The following DOCK6 variants were observed in gnomAD, a reference collection of about 807,000 sequenced individuals.
DOCK6 encodes dedicator of cytokinesis 6.
Under a neutral mutation model 230.3 loss-of-function variants are expected in DOCK6, and 167 were observed. The ratio of observed to expected loss-of-function variants is 0.73; its 90% confidence interval spans 0.64 to 0.82. The LOEUF (loss-of-function observed/expected upper bound fraction) is 0.82, where lower values mean the gene tolerates loss of function less well. Among genes scored for constraint, DOCK6 ranks in the 40% least tolerant of loss-of-function variants. The pLI is 0.00. For synonymous variants in DOCK6, 1,148 were observed against 1,185.0 expected (o/e 0.97, Z 0.64); for missense variants, 2,598 against 2,825.8 (o/e 0.92, Z 1.83).
chr19:11,248,002 A>C, intron 7 of DOCK6, 64 bp downstream of exon 7: 1 of 1,426,152 alleles, frequency 7.0e-7, no homozygotes, highest in Non-Finnish European at 9.7e-7. Flanking sequence ...TGTAGTGTGT[A>C]CCCCGCCGGA....
At chr19:11,215,977 G>T in intron 30 of DOCK6, 50 bp from the exon 31 acceptor site, 1 of 1,610,206 alleles carries the variant, frequency 6.2e-7, no homozygotes, top group Non-Finnish European at 8.5e-7. Flanking sequence ...TCTTTTCGGG[G>T]GGACCTGGGC....
chr19:11,240,185 G>A lies in DOCK6; in HGVS notation c.1643+1860C>T, dbSNP rs781607752. 5 of 1,554,282 alleles carry A rather than the reference G, an allele frequency of 3.2e-6. No individual in the cohort carries two copies. In the African/African-American group the frequency reaches 4.1e-5, roughly 13 times the overall value. ...AGGCAGAGGCCACAGCTGAGGTGCT[G>A]GGGGAGGTGGCCCAGGCACAGAAGG... On this transcript the variant is annotated intron_variant, in intron 14 of 47. Coordinates refer to ENST00000294618, the MANE Select transcript of DOCK6 (RefSeq NM_020812.4).
chr19:11,217,045 C>T lies in DOCK6; in HGVS notation c.3763G>A (p.Ala1255Thr). 1.2e-6 allele frequency: 2 copies of T among 1,613,608 alleles called. No individual in the cohort carries two copies. The highest frequency in any genetic ancestry group is 1.7e-6 in the Non-Finnish European group (2 of 1,179,876). The change falls in exon 30 of 48, where the codon GCG becomes ACG. Residue 1255 changes from alanine to threonine, a missense_variant. Transcript: ENST00000294618. ...LSAESSRTLL[A>T]CVLWVLKNTE... ...TTTTTCAGCACCCACAGCACACACG[C>T]CAGCAAGGTCCGGCTTGACTCAGCA...
In DOCK6 at chr19:11,238,314, G is replaced by T. The variant is rs756007521; in HGVS notation, c.1644-10C>A. On this transcript the variant is annotated splice_polypyrimidine_tract_variant and intron_variant, in intron 14 of 47. Transcript: ENST00000294618. ...CACGTACAGCAGGTTCCTGTGGGGG[G>T]CAGGATGGGGGTGTCAGAGGGACAG... 3.8e-6 allele frequency: 6 copies of T among 1,595,028 alleles called. No homozygotes were observed. In the Admixed American group the frequency reaches 5.2e-5, roughly 14 times the overall value.
chr19:11,210,459 C>T (rs542543013), intron 37 of DOCK6, among the ~76,000 whole-genome samples: 2 of 145,492 alleles, frequency 1.4e-5, no homozygotes, highest in East Asian at 2.2e-4. Context: ...CTTGCCTGTT[C>T]ACCCCTTCAC....
Position 11,217,069 on chromosome 19 carries a change from C to T in DOCK6, c.3739G>A (p.Ala1247Thr). The part of the protein sequence containing the change: ...TASRAGCALS[A>T]ESSRTLLACV... ...GCCAGCAAGGTCCGGCTTGACTCAG[C>T]AGAGAGGGCACAGCCTGCGCGAGAA... The change falls in exon 30 of 48, where the codon GCT (alanine) becomes ACT (threonine). Residue 1247 changes from alanine (A) to threonine (T), a missense_variant. Coordinates refer to ENST00000294618, the MANE Select transcript of DOCK6 (RefSeq NM_020812.4). 1 of 1,613,312 alleles carries T rather than the reference C, an allele frequency of 6.2e-7. No homozygotes were observed. The highest frequency in any genetic ancestry group is 1.1e-5 in the South Asian group (1 of 91,082).
intron 3 of DOCK6, 67 bp downstream of exon 3, chr19:11,252,716 G>A: frequency 6.3e-7 from 1 of 1,596,360 alleles, no homozygotes; most frequent in Non-Finnish European, 8.6e-7. Context: ...GCTGAAGTCG[G>A]GCTGTTGATG....
At chr19:11,239,157 C>T (rs1372763543) in intron 14 of DOCK6, among the ~76,000 whole-genome samples, 1 of 152,082 alleles carries the variant, frequency 6.6e-6, no homozygotes, top group Non-Finnish European at 1.5e-5. Flanking sequence ...GCTGTGTGAC[C>T]TTGGGAGAGT....
chr19:11,246,560 C>A (rs10413149), intron 7 of DOCK6, among the ~76,000 whole-genome samples: 5,691 of 152,084 alleles, frequency 0.037, 339 homozygotes, highest in African/African-American at 0.13. Flanking sequence ...CACCGCGCCC[C>A]GCCGACACTG....
intron 4 of DOCK6, 117 bp from the exon 5 acceptor site, chr19:11,252,365 A>G: frequency 1.9e-6 from 3 of 1,580,938 alleles, no homozygotes; most frequent in Non-Finnish European, 2.6e-6. Context: ...GCTCCACCAG[A>G]CAAGTTTGCC....
chr19:11,257,916 C>T (rs915777148), intron 1 of DOCK6, among the ~76,000 whole-genome samples: 8 of 151,958 alleles, frequency 5.3e-5, no homozygotes, highest in Non-Finnish European at 1.0e-4. Context: ...GGCAACATAG[C>T]GAGACCCCAT....
At chr19:11,231,329 C>T (rs549345201) in intron 22 of DOCK6, among the ~76,000 whole-genome samples, 38 of 134,714 alleles carry the variant, frequency 2.8e-4, no homozygotes, top group Admixed American at 1.0e-3. Flanking sequence ...TCTTACCCTT[C>T]GGGTCCCAGC....
At chr19:11,209,124 GA>G in intron 37 of DOCK6, 21 bp from the exon 38 acceptor site, 1 of 1,604,624 alleles carries the variant, frequency 6.2e-7, no homozygotes, top group African/African-American at 1.3e-5. Context: ...GGTGAGGGGG[GA>G]TGTGAGGAGG....
chr19:11,219,988 T>C (rs1272805216), intron 28 of DOCK6, among the ~76,000 whole-genome samples: 2 of 151,664 alleles, frequency 1.3e-5, no homozygotes, highest in Admixed American at 1.3e-4. Flanking sequence ...AGTTTTGCTC[T>C]TGTTGCCCAG....
At chr19:11,233,813 C>T (rs1422264991) in intron 21 of DOCK6, among the ~76,000 whole-genome samples, 1 of 151,404 alleles carries the variant, frequency 6.6e-6, no homozygotes, top group African/African-American at 2.4e-5. Context: ...GCACTCTAGC[C>T]TGGCCGACAG....
At chr19:11,253,333 A>G (rs2080148878) in intron 2 of DOCK6, among the ~76,000 whole-genome samples, 1 of 151,898 alleles carries the variant, frequency 6.6e-6, no homozygotes, top group African/African-American at 2.4e-5. Context: ...TCCCCTCCCC[A>G]ACTTCTCCCT....
At chr19:11,229,264 CA>C in intron 22 of DOCK6, 1 of 1,323,104 alleles carries the variant, frequency 7.6e-7, no homozygotes, top group Non-Finnish European at 9.7e-7. Context: ...GGGACCAGGA[CA>C]AAAATAGCGT....
chr19:11,251,352 A>G, intron 5 of DOCK6: 1 of 442,864 alleles, frequency 2.3e-6, no homozygotes, highest in Non-Finnish European at 4.1e-6. Flanking sequence ...CTGGTCAATC[A>G]AAACACATCT....
Position 11,202,034 on chromosome 19 carries a change from C to G in DOCK6, c.5543G>C (p.Arg1848Pro), listed in dbSNP as rs201858507. Residue 1848 changes from arginine (R) to proline (P), a missense_variant, in exon 44 of 48, where the codon CGC becomes CCC. Physicochemically the swap from Arg to Pro is moderately radical, Grantham distance 103. Transcript: ENST00000294618. This position sits in a 1 kb window ranked among gnomAD's most constrained non-coding sequence, Gnocchi z 5.3. ...VTYFDRNYGL[R>P]TFLFCTPFTP... The stretch of plus-strand genomic sequence containing the variant: ...GAACGGCGTGCAGAACAGGAATGTG[C>G]GAAGCCCATAGTTGCGGTCAAAGTA... The G allele has an allele frequency of 1.2e-6, 2 of 1,614,042 alleles. No homozygotes were observed. The highest frequency in any genetic ancestry group is 1.1e-5 in the South Asian group (1 of 91,092).
Sources: allele counts gnomAD v4.1 joint callset (sites outside exome capture counted in the v4.1 genomes callset), GRCh38; gene constraint gnomAD v4.1.1; non-coding constraint Gnocchi (gnomAD v3.1); transcripts MANE v1.5; gene names NCBI Gene and HGNC (gene_info 2026-07-23, HGNC 2026-07-21).